Variants in NRG3 observed in about 807,000 individuals in gnomAD.
NRG3 encodes the protein pro-neuregulin-3, membrane-bound isoform.
NRG3 carries 31 observed loss-of-function variants against 66.9 expected under a neutral mutation model. The observed-to-expected ratio is 0.46, with a 90% CI of 0.35 to 0.63. NRG3 has a LOEUF of 0.63. Among genes scored for constraint, NRG3 ranks in the 20% least tolerant of loss-of-function variants. The pLI is 0.00. For missense variants in NRG3, 910 were observed against 878.9 expected, an observed-to-expected ratio of 1.04 and a Z score of -0.45; for synonymous variants, 393 against 359.4, an observed-to-expected ratio of 1.09 and a Z score of -1.06.
chr10:82,738,673 C>T (rs2058270639), intron 3 of NRG3, 23 bp downstream of exon 3: 6 of 1,596,692 alleles, frequency 3.8e-6, no homozygotes, highest in Non-Finnish European at 5.2e-6. Context: ...TTTTTCTTCT[C>T]TCTAATGCAA....
intron 4 of NRG3, among the ~76,000 whole-genome samples, chr10:82,872,329 T>C (rs757855398): frequency 6.6e-6 from 1 of 152,166 alleles, no homozygotes; most frequent in African/African-American, 2.4e-5. Context: ...ACTTTTATTA[T>C]TCTTGCTTTG....
chr10:82,202,785 G>A (rs961630138), intron 1 of NRG3, among the ~76,000 whole-genome samples: 11 of 152,104 alleles, frequency 7.2e-5, no homozygotes, highest in African/African-American at 1.9e-4. Flanking sequence ...AAAGTCCCCC[G>A]AAAGATGAAG....
At chr10:82,339,194 A>G (rs1348503830) in intron 1 of NRG3, among the ~76,000 whole-genome samples, 2 of 152,234 alleles carry the variant, frequency 1.3e-5, no homozygotes, top group Non-Finnish European at 1.5e-5. Flanking sequence ...TGCCTGTTTT[A>G]AACAAATGTG....
chr10:82,894,192 TAAG>T (rs1413141343), intron 4 of NRG3, among the ~76,000 whole-genome samples: 3 of 152,194 alleles, frequency 2.0e-5, no homozygotes, highest in African/African-American at 7.2e-5. Context: ...CAGCAAAGTA[TAAG>T]GAGATAATAT....
intron 2 of NRG3, among the ~76,000 whole-genome samples, chr10:82,589,613 T>TA (rs1013909542): frequency 1.8e-4 from 27 of 151,038 alleles, no homozygotes; most frequent in African/African-American, 5.3e-4. Context: ...CCTCGGAGTC[T>TA]AAAAAAAAAT....
intron 1 of NRG3, among the ~76,000 whole-genome samples, chr10:81,930,736 G>C (rs866441900): frequency 9.9e-5 from 15 of 152,278 alleles, no homozygotes; most frequent in Non-Finnish European, 1.3e-4. Context: ...GTGCATCATC[G>C]CATGTAGAGG....
chr10:82,475,769 C>T (rs1841718562), intron 2 of NRG3, among the ~76,000 whole-genome samples: 1 of 152,090 alleles, frequency 6.6e-6, no homozygotes, highest in Admixed American at 6.5e-5. Flanking sequence ...AGCTTCATGA[C>T]ATTGGATCTG....
intron 1 of NRG3, among the ~76,000 whole-genome samples, chr10:82,021,786 A>C (rs5786524): frequency 6.5e-5 from 4 of 61,074 alleles, no homozygotes; most frequent in Admixed American, 2.1e-4. Flanking sequence ...GGCATGTAGT[A>C]TGTGTGTGTG....
At chr10:82,984,816 T>A (rs1853287535) in intron 8 of NRG3, 1 of 1,549,878 alleles carries the variant, frequency 6.5e-7, no homozygotes, top group Non-Finnish European at 8.7e-7. Flanking sequence ...CCCACCTGCC[T>A]ATACAGCTGT....
intron 3 of NRG3, among the ~76,000 whole-genome samples, chr10:82,804,605 T>C (rs557090968): frequency 2.0e-5 from 3 of 152,320 alleles, no homozygotes; most frequent in South Asian, 2.1e-4. Flanking sequence ...AATTATCTTC[T>C]TCAGGCCTTG....
Position 82,979,020 on chromosome 10 carries a change from C to G in NRG3, c.1483C>G (p.Pro495Ala). 4.3e-6 allele frequency: 7 copies of G among 1,614,056 alleles called. No individual in the cohort carries two copies. Among genetic ancestry groups the G allele is most frequent in the Non-Finnish European group, 5.9e-6 (7 of 1,179,958 alleles). Residue 495 changes from proline to alanine, a missense_variant, in exon 8 of 9, where the codon CCC (proline) becomes GCC (alanine). Transcript: ENST00000372141. ...MLHRNAFRRT[P>A]PSPRSRLGGI... ...CCATAGGAATGCCTTCAGAAGGACA[C>G]CCCCGTCACCCCGAAGTAGGCTAGG...
At chr10:82,039,193 G>A (rs1382976313) in intron 1 of NRG3, among the ~76,000 whole-genome samples, 3 of 152,096 alleles carry the variant, frequency 2.0e-5, no homozygotes, top group African/African-American at 7.2e-5. Context: ...CAGCCTGTTT[G>A]TGAGTGATGA....
At chr10:81,920,531 G>A (rs1467039417) in intron 1 of NRG3, among the ~76,000 whole-genome samples, 3 of 152,030 alleles carry the variant, frequency 2.0e-5, no homozygotes, top group African/African-American at 7.2e-5. Context: ...ACATCAATTT[G>A]TTGTGAACTT....
At chr10:82,395,712 A>G (rs2086673145) in intron 2 of NRG3, among the ~76,000 whole-genome samples, 3 of 152,028 alleles carry the variant, frequency 2.0e-5, no homozygotes, top group Admixed American at 1.3e-4. Flanking sequence ...CCATCCATCC[A>G]TCTATCCACC....
At chr10:82,255,834 C>T (rs994787913) in intron 1 of NRG3, among the ~76,000 whole-genome samples, 46 of 152,048 alleles carry the variant, frequency 3.0e-4, no homozygotes, top group Admixed American at 5.9e-4. Context: ...AAACTCCTGA[C>T]CTCAGGTGAT....
chr10:82,228,163 T>G (rs2076259976), intron 1 of NRG3, among the ~76,000 whole-genome samples: 1 of 152,166 alleles, frequency 6.6e-6, no homozygotes, highest in Non-Finnish European at 1.5e-5. Context: ...ATGCAATTTT[T>G]AAAAAGATTT....
intron 1 of NRG3, among the ~76,000 whole-genome samples, chr10:82,334,730 T>A (rs2082303114): frequency 6.6e-6 from 1 of 152,208 alleles, no homozygotes; most frequent in Non-Finnish European, 1.5e-5. Flanking sequence ...ACAGAGTCCA[T>A]CTGTGTTTGA....
At chr10:82,157,947 C>G (rs61212207) in intron 1 of NRG3, among the ~76,000 whole-genome samples, 3,351 of 151,788 alleles carry the variant, frequency 0.022, 123 homozygotes, top group African/African-American at 0.077. Context: ...GTGCATGATA[C>G]TGAATGTTCC....
chr10:82,014,310 C>A (rs2061698334), intron 1 of NRG3, among the ~76,000 whole-genome samples: 1 of 152,138 alleles, frequency 6.6e-6, no homozygotes, highest in South Asian at 2.1e-4. Flanking sequence ...ATGTTCCTTT[C>A]ACAGAAGAAA....
Sources: gnomAD v4.1 joint callset for allele counts (sites outside exome capture counted in the v4.1 genomes callset) on GRCh38, gnomAD v4.1.1 for gene constraint, MANE v1.5 for transcripts, NCBI Gene and HGNC (gene_info 2026-07-23, HGNC 2026-07-21) for gene names.